RBFOX1: variants seen among roughly 807,000 people sequenced by gnomAD.
The protein encoded by RBFOX1 is RNA binding protein fox-1 homolog 1.
In RBFOX1, 8 loss-of-function variants were observed where a neutral mutation model predicts 57.7. That is an observed-to-expected ratio of 0.14 (90% confidence interval 0.08 to 0.25). The LOEUF is 0.25. Among genes scored for constraint, RBFOX1 ranks in the 10% least tolerant of loss-of-function variants. The pLI, the probability that RBFOX1 is intolerant of heterozygous loss-of-function variation, is 1.00. For missense variants in RBFOX1, 611 were observed against 548.5 expected (o/e 1.11, Z -1.14); for synonymous variants, 326 against 222.4 (o/e 1.47, Z -4.15).
chr16:5,380,778 T>C (rs1214731972), intron 1 of RBFOX1, among the ~76,000 whole-genome samples: 2 of 152,228 alleles, frequency 1.3e-5, no homozygotes, highest in Admixed American at 6.5e-5. Context: ...TTTGAAACCT[T>C]CAGCGCCTCT....
chr16:6,938,339 C>G (rs1226943133), intron 3 of RBFOX1, among the ~76,000 whole-genome samples: 4 of 152,066 alleles, frequency 2.6e-5, no homozygotes, highest in African/African-American at 4.8e-5. Context: ...AAACCGAAGC[C>G]TATTGTTGGC....
chr16:5,331,030 A>C (rs561271152), intron 1 of RBFOX1, among the ~76,000 whole-genome samples: 2 of 152,090 alleles, frequency 1.3e-5, no homozygotes, highest in African/African-American at 4.8e-5. Flanking sequence ...TGAAAGGCCT[A>C]CTTGGTATCA....
At chr16:5,472,317 C>T (rs2069165658) in intron 2 of RBFOX1, among the ~76,000 whole-genome samples, 1 of 152,132 alleles carries the variant, frequency 6.6e-6, no homozygotes, top group African/African-American at 2.4e-5. Context: ...AGGCACCTTA[C>T]AAATGTGATC....
intron 3 of RBFOX1, among the ~76,000 whole-genome samples, chr16:6,892,539 A>C (rs939615351): frequency 1.3e-5 from 2 of 152,106 alleles, no homozygotes; most frequent in African/African-American, 4.8e-5. Flanking sequence ...GCATGGTGGC[A>C]CACACCTGTA....
chr16:6,347,840 G>C (rs1599895426), intron 2 of RBFOX1, among the ~76,000 whole-genome samples: 1 of 152,202 alleles, frequency 6.6e-6, no homozygotes, highest in Non-Finnish European at 1.5e-5. Flanking sequence ...GAAAGAATGA[G>C]TGAATGTTGA....
intron 12 of RBFOX1, among the ~76,000 whole-genome samples, chr16:7,660,685 C>T (rs1293671991): frequency 2.0e-5 from 3 of 152,164 alleles, no homozygotes; most frequent in Non-Finnish European, 4.4e-5. Context: ...ATTCCTGGGA[C>T]CAATAGCATC....
Position 6,500,714 on chromosome 16 carries a change from A to G in RBFOX1, c.-63-153889A>G, listed in dbSNP as rs1370028403. Among the ~76,000 whole-genome samples, 26 of 152,130 alleles carry G rather than the reference A, an allele frequency of 1.7e-4. 1 individual carries two copies. Among genetic ancestry groups the G allele is most frequent in the Admixed American group, 1.6e-3 (25 of 15,272 alleles). ...GGTCTTAGAAAACTTGGACACTGAC[A>G]TCAACACTTGACAACATCTTGACTG... On this transcript the variant is annotated intron_variant, in intron 2 of 15. Coordinates refer to ENST00000550418, the MANE Select transcript of RBFOX1 (RefSeq NM_018723.4).
intron 3 of RBFOX1, among the ~76,000 whole-genome samples, chr16:5,660,793 G>A (rs1031543158): frequency 3.9e-5 from 6 of 152,110 alleles, no homozygotes; most frequent in Admixed American, 6.5e-5. Context: ...TGAAGCAGGC[G>A]GAGTGGTGAA....
intron 3 of RBFOX1, among the ~76,000 whole-genome samples, chr16:5,814,802 G>T (rs965860845): frequency 6.6e-6 from 1 of 152,226 alleles, no homozygotes; most frequent in East Asian, 1.9e-4. Flanking sequence ...GGTGGAGGGC[G>T]CCTGTAGTCC....
intron 3 of RBFOX1, among the ~76,000 whole-genome samples, chr16:6,801,168 CTG>C (rs1321506078): frequency 1.4e-5 from 2 of 143,876 alleles, no homozygotes; most frequent in Admixed American, 7.2e-5. Context: ...TTGGAACACA[CTG>C]TGAATGGCAA....
intron 3 of RBFOX1, among the ~76,000 whole-genome samples, chr16:5,640,983 C>A (rs757128053): frequency 1.3e-5 from 2 of 151,024 alleles, no homozygotes; most frequent in Non-Finnish European, 3.0e-5. Flanking sequence ...CACATACATG[C>A]ATATCATGCA....
intron 3 of RBFOX1, among the ~76,000 whole-genome samples, chr16:5,764,119 T>C (rs1282705540): frequency 6.6e-6 from 1 of 152,186 alleles, no homozygotes; most frequent in Non-Finnish European, 1.5e-5. Flanking sequence ...GAAAGTCTTT[T>C]GCAACCAGGA....
chr16:6,615,236 A>T (rs1215742495), intron 2 of RBFOX1, among the ~76,000 whole-genome samples: 1 of 152,230 alleles, frequency 6.6e-6, no homozygotes, highest in Non-Finnish European at 1.5e-5. Context: ...AGAACTTCCC[A>T]GTGGATTTAG....
At chr16:7,244,274 C>A (rs111680281) in intron 4 of RBFOX1, among the ~76,000 whole-genome samples, 12 of 138,246 alleles carry the variant, frequency 8.7e-5, no homozygotes, top group African/African-American at 2.4e-4. Context: ...AAAAAAAACA[C>A]CCTTGGGCTT....
intron 14 of RBFOX1, among the ~76,000 whole-genome samples, chr16:7,700,052 C>G (rs1271612753): frequency 6.6e-6 from 1 of 152,054 alleles, no homozygotes; most frequent in African/African-American, 2.4e-5. Context: ...GGGCCCAGAA[C>G]CTCCCTACTT....
chr16:5,571,018 A>G (rs1299012014), intron 2 of RBFOX1, among the ~76,000 whole-genome samples: 2 of 151,998 alleles, frequency 1.3e-5, no homozygotes, highest in Non-Finnish European at 2.9e-5. Flanking sequence ...CAGCTCTCAT[A>G]TACACAATCT....
intron 4 of RBFOX1, among the ~76,000 whole-genome samples, chr16:5,885,359 T>C (rs1259440541): frequency 6.6e-6 from 1 of 152,124 alleles, no homozygotes; most frequent in Admixed American, 6.5e-5. Flanking sequence ...ACTGCATTTT[T>C]CCCCTTAAAT....
chr16:6,768,236 C>G (rs186275945), intron 3 of RBFOX1, among the ~76,000 whole-genome samples: 9 of 151,942 alleles, frequency 5.9e-5, no homozygotes, highest in South Asian at 2.1e-4. Context: ...AAACAAGGAC[C>G]TCACTTTTTA....
intron 4 of RBFOX1, among the ~76,000 whole-genome samples, chr16:7,268,620 G>A (rs2095238763): frequency 6.6e-6 from 1 of 152,194 alleles, no homozygotes; most frequent in African/African-American, 2.4e-5. Flanking sequence ...GTTGTCTTGT[G>A]ATTATTGTAA....
Sources: gnomAD v4.1 joint callset for allele counts (sites outside exome capture counted in the v4.1 genomes callset) on GRCh38, gnomAD v4.1.1 for gene constraint, MANE v1.5 for transcripts, NCBI Gene and HGNC (gene_info 2026-07-23, HGNC 2026-07-21) for gene names.